KDM6A: variants seen among roughly 807,000 people sequenced by gnomAD.
KDM6A encodes the protein lysine demethylase 6A, also known as lysine-specific demethylase 6A.
A neutral mutation model predicts 117.6 loss-of-function variants in KDM6A; 11 were observed. The ratio of observed to expected loss-of-function variants is 0.09; its 90% CI spans 0.06 to 0.15. The LOEUF (loss-of-function observed/expected upper bound fraction) is 0.15. Among genes scored for constraint, KDM6A ranks in the 10% least tolerant of loss-of-function variants. The pLI is 1.00. For missense variants in KDM6A, 799 were observed against 1,077.3 expected, an observed-to-expected ratio of 0.74 and a Z score of 3.62; for synonymous variants, 384 against 396.1, an observed-to-expected ratio of 0.97 and a Z score of 0.36.
intron 2 of KDM6A, among the ~76,000 whole-genome samples, chrX:44,927,547 G>C (rs1271417163): frequency 9.1e-6 from 1 of 110,245 alleles, no homozygotes; most frequent in Non-Finnish European, 1.9e-5. Context: ...ACATGCTCAG[G>C]AGAGAGCAGA....
intron 4 of KDM6A, among the ~76,000 whole-genome samples, chrX:44,997,322 G>A (rs1215717693): frequency 8.9e-6 from 1 of 112,225 alleles, no homozygotes; most frequent in Non-Finnish European, 1.9e-5. Context: ...GGAGATGGCT[G>A]CTTGGCAGCC....
chrX:45,033,043 C>T (rs2042665559), intron 6 of KDM6A, among the ~76,000 whole-genome samples: 1 of 111,460 alleles, frequency 9.0e-6, no homozygotes, highest in African/African-American at 3.3e-5. Flanking sequence ...TATTGAAGGC[C>T]GTTTCTTCTC....
Position 44,873,963 on chromosome X carries a change from C to G in KDM6A, c.201C>G (p.Ala67=). Reference sequence around the variant, plus strand: ...TCGTGAGATTTCATGAAGATGGCGCCAGGACGAAGGCCCTACTGGGCAAGG... The same window carrying G: ...TCGTGAGATTTCATGAAGATGGCGCGAGGACGAAGGCCCTACTGGGCAAGG... ...FGFVRFHEDG[A]RTKALLGKAV... The change falls in exon 2 of 30, where the codon GCC becomes GCG. Residue 67 remains alanine, a synonymous_variant. Coordinates refer to ENST00000611820, the MANE Select transcript of KDM6A (RefSeq NM_001291415.2). The G allele has an allele frequency of 1.7e-6, 2 of 1,211,280 alleles. No individual in the cohort carries two copies. Among genetic ancestry groups the G allele is most frequent in the Non-Finnish European group, 2.2e-6 (2 of 894,906 alleles).
At chrX:44,944,017 G>A (rs756013093) in intron 2 of KDM6A, among the ~76,000 whole-genome samples, 2 of 111,034 alleles carry the variant, frequency 1.8e-5, no homozygotes, top group African/African-American at 6.5e-5. Flanking sequence ...ACCTCATTAT[G>A]GTTTTAATTG....
At chrX:44,985,076 C>G (rs1039997650) in intron 4 of KDM6A, among the ~76,000 whole-genome samples, 1 of 109,886 alleles carries the variant, frequency 9.1e-6, no homozygotes, top group African/African-American at 3.3e-5. Flanking sequence ...TTTGTATCCT[C>G]TTTTATTTCA....
intron 2 of KDM6A, among the ~76,000 whole-genome samples, chrX:44,956,712 A>G (rs889662388): frequency 2.7e-5 from 3 of 111,997 alleles, no homozygotes; most frequent in Non-Finnish European, 3.8e-5. Context: ...GCCTGGCCAA[A>G]TAGCCATATT....
At chrX:44,967,014 C>G in intron 3 of KDM6A, among the ~76,000 whole-genome samples, 1 of 109,075 alleles carries the variant, frequency 9.2e-6, no homozygotes, top group African/African-American at 3.4e-5. Context: ...GGACTACAGG[C>G]GCCCGCCACC....
chrX:45,089,451 A>G lies in KDM6A; in HGVS notation c.3705-292A>G, dbSNP rs111768868. On this transcript the variant is annotated intron_variant, in intron 25 of 29. Transcript: ENST00000611820. ...TGAGGCAGGAGAATTGCTTGAGCCC[A>G]GGAGGCGGAGGTTGCAGTGAGCCTA... Among the ~76,000 whole-genome samples, 23,084 of 107,276 alleles carry G rather than the reference A, an allele frequency of 0.22. 4,320 individuals are homozygous for G. Among genetic ancestry groups the G allele is most frequent in the African/African-American group, 0.61 (17,477 of 28,842 alleles). The allele number at this position is 107,276 out of a possible 115,157, so 93.2% of individuals were successfully genotyped here. A position where few individuals can be genotyped will look rare whatever the true frequency, so the allele number is the denominator to read the frequency against.
chrX:44,896,804 A>AT (rs1203749490), intron 2 of KDM6A, among the ~76,000 whole-genome samples: 17 of 99,224 alleles, frequency 1.7e-4, no homozygotes, highest in Non-Finnish European at 2.3e-4. Context: ...GTGTTGTGCT[A>AT]TTTTTTTTTT....
chrX:44,899,371 T>C (rs1331775488), intron 2 of KDM6A, among the ~76,000 whole-genome samples: 1 of 108,383 alleles, frequency 9.2e-6, no homozygotes, highest in African/African-American at 3.4e-5. Flanking sequence ...GTGTATGTGT[T>C]AGATTAGCTA....
chrX:45,056,900 C>T (rs910136919), intron 10 of KDM6A, among the ~76,000 whole-genome samples: 3 of 111,738 alleles, frequency 2.7e-5, no homozygotes, highest in African/African-American at 9.7e-5. Context: ...TACAGAAGAG[C>T]ATGTTTTCTA....
Position 45,058,891 on chromosome X carries a change from A to G in KDM6A, c.876-115A>G, listed in dbSNP as rs773182011. The G allele has an allele frequency of 2.3e-5, 13 of 569,747 alleles. No homozygotes were observed. The East Asian group carries it at 4.7e-4, about 21-fold the overall frequency. The allele number at this position is 569,747 out of a possible 1,213,427, so 47.0% of individuals were successfully genotyped here. On this transcript the variant is annotated intron_variant, in intron 10 of 29. Coordinates refer to ENST00000611820, the MANE Select transcript of KDM6A (RefSeq NM_001291415.2). ...TACATACACATAAATATATTAACTTATTAGGGTTTTAAAAAAATTTGCTGT... is the reference window on the plus strand; with the variant it reads ...TACATACACATAAATATATTAACTTGTTAGGGTTTTAAAAAAATTTGCTGT...
At chrX:44,963,473 G>GTC (rs1569485573) in intron 3 of KDM6A, among the ~76,000 whole-genome samples, 7 of 35,744 alleles carry the variant, frequency 2.0e-4, no homozygotes, top group Admixed American at 1.5e-3. Flanking sequence ...GTGTGTGTGT[G>GTC]TGTGTGTGTG....
At position 45,027,247 on chromosome X, in the gene KDM6A, A is replaced by G. The variant is rs761104163; in HGVS notation, c.564+6517A>G. On this transcript the variant is annotated intron_variant, in intron 6 of 29. Coordinates refer to ENST00000611820, the MANE Select transcript of KDM6A (RefSeq NM_001291415.2). ...TCCCAGCACTTTGGGAAGCTGAGGC[A>G]GGTGGATCACCTGAAGTTAGAAGTT... Among the ~76,000 whole-genome samples the G allele has an allele frequency of 4.6e-5, 5 of 108,640 alleles. No homozygotes were observed. The East Asian group carries it at 1.5e-3, about 32-fold the overall frequency. 94.3% of individuals were successfully genotyped at this position (108,640 alleles called of 115,157 possible).
chrX:44,992,235 T>C, intron 4 of KDM6A, among the ~76,000 whole-genome samples: 1 of 64,804 alleles, frequency 1.5e-5, no homozygotes, highest in Admixed American at 1.6e-4. Context: ...TTTTTTTTTT[T>C]TTTTTTGAGA....
intron 2 of KDM6A, among the ~76,000 whole-genome samples, chrX:44,947,062 G>A (rs953837432): frequency 9.0e-6 from 1 of 111,719 alleles, no homozygotes; most frequent in Non-Finnish European, 1.9e-5. Flanking sequence ...CATTTTCGTA[G>A]CATATTTATT....
chrX:45,012,160 G>T (rs1347173060), intron 5 of KDM6A, among the ~76,000 whole-genome samples: 1 of 105,789 alleles, frequency 9.5e-6, no homozygotes, highest in African/African-American at 3.5e-5. Flanking sequence ...GATCAAGTGA[G>T]ATACAGTACA....
chrX:45,054,338 G>A (rs2043977997), intron 10 of KDM6A, among the ~76,000 whole-genome samples: 4 of 111,398 alleles, frequency 3.6e-5, no homozygotes, highest in Admixed American at 2.9e-4. Flanking sequence ...TCATCTGCCT[G>A]ATGACTACTG....
intron 4 of KDM6A, among the ~76,000 whole-genome samples, chrX:44,995,186 T>A (rs908649106): frequency 9.0e-6 from 1 of 111,197 alleles, no homozygotes; most frequent in African/African-American, 3.3e-5. Context: ...TGGGTACAAC[T>A]CTGTGTGGTA....
Sources: gnomAD v4.1 joint callset for allele counts (sites outside exome capture counted in the v4.1 genomes callset) on GRCh38, gnomAD v4.1.1 for gene constraint, MANE v1.5 for transcripts, NCBI Gene and HGNC (gene_info 2026-07-23, HGNC 2026-07-21) for gene names.